Variants in EPHX1 observed in about 807,000 individuals in gnomAD.
The protein encoded by EPHX1 is epoxide hydrolase 1.
Under a neutral mutation model 43.2 loss-of-function variants are expected in EPHX1, and 40 were observed. That is an observed-to-expected ratio of 0.93 (90% CI 0.72 to 1.21). EPHX1 has a LOEUF of 1.21. Among genes scored for constraint, EPHX1 ranks in the 50% most tolerant of loss-of-function variants. EPHX1 has a pLI of 0.00. For missense variants in EPHX1, 550 were observed against 570.4 expected (o/e 0.96, Z 0.36); for synonymous variants, 221 against 226.7 (o/e 0.98, Z 0.22).
In EPHX1 at chr1:225,819,573, A is replaced by T. The variant is rs534164146; in HGVS notation, c.-5-9152A>T. On this transcript the variant is annotated intron_variant, in intron 1 of 8. Transcript: ENST00000272167. The stretch of plus-strand genomic sequence containing the variant: ...GATGTACTTTGGAAGTTCAGCTGCC[A>T]GAACTTACTGATATCTGTGGCGGAG... Among the ~76,000 whole-genome samples the T allele has an allele frequency of 2.0e-4, 30 of 152,298 alleles. No homozygotes were observed. The South Asian group carries it at 5.4e-3, about 27-fold the overall frequency.
intron 3 of EPHX1, 132 bp downstream of exon 3, chr1:225,832,091 C>A: frequency 2.1e-6 from 2 of 972,338 alleles, no homozygotes; most frequent in Non-Finnish European, 3.2e-6. Context: ...TGTACTTATA[C>A]GTTGTAACCT....
chr1:225,844,361 A>G (rs1298190884), intron 7 of EPHX1, 137 bp from the exon 8 acceptor site: 5 of 1,359,908 alleles, frequency 3.7e-6, no homozygotes, highest in African/African-American at 1.4e-5. Flanking sequence ...TGACACGAGG[A>G]TACCACACAC....
chr1:225,821,426 A>T (rs1399448799), intron 1 of EPHX1, among the ~76,000 whole-genome samples: 1 of 151,496 alleles, frequency 6.6e-6, no homozygotes, highest in African/African-American at 2.4e-5. Context: ...TTGTGTTTTT[A>T]GTAGAGACGG....
chr1:225,837,781 A>G (rs1668046988), intron 3 of EPHX1, among the ~76,000 whole-genome samples: 1 of 152,168 alleles, frequency 6.6e-6, no homozygotes. Context: ...CAGCCTTCCA[A>G]AGTGCTGGGA....
intron 3 of EPHX1, among the ~76,000 whole-genome samples, chr1:225,836,318 G>C (rs1038552763): frequency 6.6e-6 from 1 of 152,242 alleles, no homozygotes; most frequent in African/African-American, 2.4e-5. Context: ...TCCTGGCCGG[G>C]TGTGGTGGCT....
chr1:225,816,225 C>T lies in EPHX1; in HGVS notation c.-6+6056C>T, dbSNP rs186056872. The stretch of plus-strand genomic sequence containing the variant: ...TGAGAATTGCTTGAATCTGGGAGGT[C>T]GAGGCTGCAGTGAGCTGAGATTGCA... On this transcript the variant is annotated intron_variant, in intron 1 of 8. Coordinates refer to ENST00000272167, the MANE Select transcript of EPHX1 (RefSeq NM_001136018.4). 3.6e-3 allele frequency among the ~76,000 whole-genome samples: 544 copies of T among 152,056 alleles called. 5 individuals are homozygous for T. Among genetic ancestry groups the T allele is most frequent in the African/African-American group, 0.012 (510 of 41,458 alleles).
At position 225,831,779 on chromosome 1, in the gene EPHX1, G is replaced by T; in HGVS notation, c.184G>T (p.Asp62Tyr). ...CTTGGGGTCCTGAATTTTGCTCCAG[G>T]ACTTACACCAGAGGATCGATAAGTT... ...KVETSDEEIH[D>Y]LHQRIDKFRF... is the part of the protein sequence containing the mutation. Residue 62 changes from aspartate (D) to tyrosine (Y), a missense_variant and splice_region_variant, in exon 3 of 9, where the codon GAC becomes TAC. Coordinates refer to ENST00000272167, the MANE Select transcript of EPHX1 (RefSeq NM_001136018.4). 1 of 1,613,800 alleles carries T rather than the reference G, an allele frequency of 6.2e-7. No homozygotes were observed. The highest frequency in any genetic ancestry group is 8.5e-7 in the Non-Finnish European group (1 of 1,180,026).
intron 7 of EPHX1, among the ~76,000 whole-genome samples, chr1:225,842,815 C>T (rs1214178717): frequency 1.3e-5 from 2 of 152,224 alleles, no homozygotes; most frequent in Non-Finnish European, 2.9e-5. Flanking sequence ...TCCTGATTCC[C>T]TGGAGAGCCT....
In EPHX1 at chr1:225,834,112, G is replaced by GAAAA. The variant is rs59007136; in HGVS notation, c.364+2163_364+2166dup. 1.9e-5 allele frequency among the ~76,000 whole-genome samples: 2 copies of GAAAA among 105,802 alleles called. 1 individual carries two copies. The highest frequency in any genetic ancestry group is 7.7e-5 in the African/African-American group (2 of 25,970). The allele number at this position is 105,802 out of a possible 152,430, so 69.4% of individuals were successfully genotyped here. On this transcript the variant is annotated intron_variant, in intron 3 of 8. Coordinates refer to ENST00000272167, the MANE Select transcript of EPHX1 (RefSeq NM_001136018.4). ...GACTCTGTCTCAAAAAAAAAAAAAAGAAAAAAAAAAAAAGCCGGGTGCGGT... is the reference window on the plus strand; with the variant it reads ...GACTCTGTCTCAAAAAAAAAAAAAAGAAAAAAAAAAAAAAAAAGCCGGGTGCGGT...
At chr1:225,840,522 G>T (rs905064606) in intron 6 of EPHX1, among the ~76,000 whole-genome samples, 1 of 152,204 alleles carries the variant, frequency 6.6e-6, no homozygotes, top group Admixed American at 6.5e-5. Context: ...AAAGGAACCA[G>T]TAAAATTTTA....
rs1668110507 is a variant in EPHX1 at position 225,838,696 on chromosome 1, C to T, written c.407C>T (p.Pro136Leu). 1 of 1,614,056 alleles carries T rather than the reference C, an allele frequency of 6.2e-7. No homozygotes were observed. The highest frequency in any genetic ancestry group is 2.2e-5 in the East Asian group (1 of 44,892). ...HFIHVKPPQL[P>L]AGHTPKPLLM... ...ATCCACGTGAAGCCCCCCCAGCTGC[C>T]CGCAGGCCATACCCCGAAGCCCTTG... The change falls in exon 4 of 9, where the codon CCC becomes CTC. Residue 136 changes from proline (P) to leucine (L), a missense_variant. Transcript: ENST00000272167.
intron 2 of EPHX1, among the ~76,000 whole-genome samples, chr1:225,830,491 G>T (rs1269015774): frequency 6.6e-6 from 1 of 152,070 alleles, no homozygotes; most frequent in African/African-American, 2.4e-5. Context: ...TTGGAGACAG[G>T]GTCTTGCTCT....
At chr1:225,835,670 T>C (rs1667920105) in intron 3 of EPHX1, among the ~76,000 whole-genome samples, 1 of 151,640 alleles carries the variant, frequency 6.6e-6, no homozygotes, top group East Asian at 1.9e-4. Flanking sequence ...ATTACAGGTA[T>C]GAGCCACGGC....
rs188659242 is a variant in EPHX1, at chr1:225,831,984, A to G, written c.364+25A>G. The G allele has an allele frequency of 1.2e-5, 19 of 1,611,162 alleles. No homozygotes were observed. The East Asian group carries it at 4.0e-4, about 34-fold the overall frequency. On this transcript the variant is annotated intron_variant, in intron 3 of 8. Transcript: ENST00000272167. The stretch of plus-strand genomic sequence containing the variant: ...GGTATGTTTGCAAAACGCCAGCCAG[A>G]GAGGGATGTATGTCATGAGAACAGC...
At position 225,828,835 on chromosome 1, in the gene EPHX1, C is replaced by T. The variant is rs2102716633; in HGVS notation, c.106C>T (p.Pro36Ser). Reference protein sequence around the residue: ...TLPLEDGWWGPGTRSAAREDD... With the variant: ...TLPLEDGWWGSGTRSAAREDD... The stretch of plus-strand genomic sequence containing the variant: ...GCCACTTGAAGATGGGTGGTGGGGG[C>T]CAGGCACGAGGTCCGCAGCCAGGGA... Residue 36 changes from proline (P) to serine (S), a missense_variant, in exon 2 of 9, where the codon CCA becomes TCA. By Grantham distance (74) the Pro-to-Ser change is moderately conservative. Transcript: ENST00000272167. 6.2e-7 allele frequency: 1 copy of T among 1,612,664 alleles called. No homozygotes were observed. The highest frequency in any genetic ancestry group is 2.2e-5 in the East Asian group (1 of 44,832).
intron 3 of EPHX1, chr1:225,832,311 G>A (rs1180831335): frequency 2.0e-5 from 7 of 349,632 alleles, no homozygotes; most frequent in Non-Finnish European, 3.3e-5. Context: ...AGGCTGAGGT[G>A]GGTAGATCAC....
intron 3 of EPHX1, among the ~76,000 whole-genome samples, chr1:225,838,101 A>C (rs977604058): frequency 2.0e-5 from 3 of 152,208 alleles, no homozygotes; most frequent in African/African-American, 7.2e-5. Flanking sequence ...TGGGTCACAC[A>C]ATGGATATGA....
At chr1:225,827,943 T>C (rs1667337173) in intron 1 of EPHX1, among the ~76,000 whole-genome samples, 1 of 152,124 alleles carries the variant, frequency 6.6e-6, no homozygotes, top group Admixed American at 6.5e-5. Context: ...TAAGCCTCTC[T>C]CCAAGAAGGA....
At chr1:225,831,996 G>A in intron 3 of EPHX1, 37 bp downstream of exon 3, 1 of 1,603,604 alleles carries the variant, frequency 6.2e-7, no homozygotes. Flanking sequence ...AGGGATGTAT[G>A]TCATGAGAAC....
Sources: allele counts gnomAD v4.1 joint callset (sites outside exome capture counted in the v4.1 genomes callset), GRCh38; gene constraint gnomAD v4.1.1; transcripts MANE v1.5; gene names NCBI Gene and HGNC (gene_info 2026-07-23, HGNC 2026-07-21).